BAHCC1: variants seen among roughly 807,000 people sequenced by gnomAD.
BAHCC1 encodes BAH and coiled-coil domain-containing protein 1.
In BAHCC1, 43 loss-of-function variants were observed where a neutral mutation model predicts 88.2. The observed-to-expected ratio is 0.49, with a 90% CI of 0.38 to 0.63. BAHCC1 has a LOEUF of 0.63. Among genes scored for constraint, BAHCC1 ranks in the 20% least tolerant of loss-of-function variants. The probability of loss-of-function intolerance (pLI) is 0.00; values close to 1 mark genes in which losing one functional copy is unlikely to be tolerated. For missense variants in BAHCC1, 3,023 were observed against 1,654.8 expected, an observed-to-expected ratio of 1.83 and a Z score of -14.34; for synonymous variants, 1,510 against 745.5, an observed-to-expected ratio of 2.03 and a Z score of -16.71.
At chr17:81,440,961 G>C (rs2064404387) in intron 4 of BAHCC1, among the ~76,000 whole-genome samples, 1 of 152,336 alleles carries the variant, frequency 6.6e-6, no homozygotes, top group Middle Eastern at 3.4e-3. Context: ...CTCCTCTGGG[G>C]GCGCCAGGAG....
chr17:81,414,846 C>G (rs1371450101), intron 2 of BAHCC1, among the ~76,000 whole-genome samples: 1 of 152,166 alleles, frequency 6.6e-6, no homozygotes, highest in African/African-American at 2.4e-5. Flanking sequence ...CTCCCCTGAT[C>G]GCTGCCACGC....
At chr17:81,451,320 GC>G (rs1216994841) in intron 11 of BAHCC1, 23 of 259,102 alleles carry the variant, frequency 8.9e-5, no homozygotes, top group East Asian at 1.7e-4. Flanking sequence ...TCGAAGCAGG[GC>G]CCCCCCGGTG....
Position 81,434,464 on chromosome 17 carries a change from G to A in BAHCC1, c.359-3906G>A, listed in dbSNP as rs1247469959. On this transcript the variant is annotated intron_variant, in intron 3 of 27. Coordinates refer to ENST00000675386, the MANE Select transcript of BAHCC1 (RefSeq NM_001377448.1). The surrounding 1 kb of genome is among the most constrained non-coding windows in gnomAD (Gnocchi z 4.9). ...TGTAGAAGGTTTTGTCCTCAAAGGC[G>A]TGCGGGCTGGGGCAGGGCGCTCGAG... Among the ~76,000 whole-genome samples, 2 of 152,226 alleles carry A rather than the reference G, an allele frequency of 1.3e-5. No individual in the cohort carries two copies. Among genetic ancestry groups the A allele is most frequent in the Admixed American group, 6.5e-5 (1 of 15,286 alleles).
rs1555659376 is a variant in BAHCC1, at chr17:81,461,528, C to T, written c.6865C>T (p.His2289Tyr). ...EFPLPYDSDC[H>Y]SSFSDEDEDG... ...CCCGCTGCCCTACGACAGCGACTGCCACAGCTCCTTCTCGGACGAGGACGA... is the reference window on the plus strand; with the variant it reads ...CCCGCTGCCCTACGACAGCGACTGCTACAGCTCCTTCTCGGACGAGGACGA... The change falls in exon 26 of 28, where the codon CAC (histidine) becomes TAC (tyrosine). Residue 2289 changes from histidine to tyrosine, a missense_variant. Physicochemically the swap from His to Tyr is moderately conservative, Grantham distance 83 (BLOSUM62 2). Transcript: ENST00000675386. 2.7e-6 allele frequency: 2 copies of T among 737,324 alleles called. No individual in the cohort carries two copies. The highest frequency in any genetic ancestry group is 3.8e-5 in the Admixed American group (2 of 52,832). 45.7% of individuals were successfully genotyped at this position (737,324 alleles called of 1,614,324 possible).
At chr17:81,440,154 C>A (rs1250890879) in intron 4 of BAHCC1, among the ~76,000 whole-genome samples, 1 of 152,216 alleles carries the variant, frequency 6.6e-6, no homozygotes, top group East Asian at 1.9e-4. Context: ...GCTCTGCTGC[C>A]CAGAGGACAG....
At chr17:81,397,520 G>GA (rs2063758603) in intron 1 of BAHCC1, among the ~76,000 whole-genome samples, 1 of 152,038 alleles carries the variant, frequency 6.6e-6, no homozygotes, top group Non-Finnish European at 1.5e-5. Context: ...CGGCGCCTTT[G>GA]AAGCTGCAGG....
rs528240946 is a variant in BAHCC1, at chr17:81,436,419, G to A, written c.359-1951G>A. 4.0e-4 allele frequency among the ~76,000 whole-genome samples: 61 copies of A among 152,370 alleles called. No individual in the cohort carries two copies. The South Asian group carries it at 0.011, about 28-fold the overall frequency. On this transcript the variant is annotated intron_variant, in intron 3 of 27. Coordinates refer to ENST00000675386, the MANE Select transcript of BAHCC1 (RefSeq NM_001377448.1). Reference sequence around the variant, plus strand: ...CTGGAGGCCTGGACCTCTGGAGGGGGGACCGGGGCTCCGTGCCTGGGAAAC... The same window carrying A: ...CTGGAGGCCTGGACCTCTGGAGGGGAGACCGGGGCTCCGTGCCTGGGAAAC...
chr17:81,458,885 A>G lies in BAHCC1; in HGVS notation c.5521A>G (p.Ser1841Gly), dbSNP rs782023832. 5 of 774,806 alleles carry G rather than the reference A, an allele frequency of 6.5e-6. No homozygotes were observed. Among genetic ancestry groups the G allele is most frequent in the Admixed American group, 3.4e-5 (2 of 58,842 alleles). 48.0% of individuals were successfully genotyped at this position (774,806 alleles called of 1,614,324 possible). A position where few individuals can be genotyped will look rare whatever the true frequency, so the allele number is the denominator to read the frequency against. ...GGAAGACTTTGAGTTCGACGACAAC[A>G]GCAGCTTCTCGGAAGAGGAGGAGGA... ...VEEDFEFDDN[S>G]SFSEEEEDEE... Residue 1841 changes from serine to glycine, a missense_variant, in exon 20 of 28, where the codon AGC becomes GGC. By Grantham distance (56) the Ser-to-Gly change is moderately conservative. Coordinates refer to ENST00000675386, the MANE Select transcript of BAHCC1 (RefSeq NM_001377448.1).
At chr17:81,455,754 C>T (rs1399742023) in intron 15 of BAHCC1, among the ~76,000 whole-genome samples, 2 of 152,130 alleles carry the variant, frequency 1.3e-5, no homozygotes, top group Non-Finnish European at 2.9e-5. Context: ...CCTCCGGCTG[C>T]CGGCACCCCC....
chr17:81,421,663 C>T (rs1442005142), intron 2 of BAHCC1, among the ~76,000 whole-genome samples: 1 of 152,234 alleles, frequency 6.6e-6, no homozygotes, highest in Non-Finnish European at 1.5e-5. Context: ...CAGCCGTGTG[C>T]AGGGCCCCTG....
At chr17:81,398,142 C>T (rs933369151) in intron 1 of BAHCC1, among the ~76,000 whole-genome samples, 1 of 152,138 alleles carries the variant, frequency 6.6e-6, no homozygotes. Flanking sequence ...TATCCATCTC[C>T]CTTTTGTTGG....
Position 81,403,417 on chromosome 17 carries a change from C to T in BAHCC1, c.178+3500C>T, listed in dbSNP as rs1319757049. Among the ~76,000 whole-genome samples the T allele has an allele frequency of 2.6e-5, 4 of 151,870 alleles. No homozygotes were observed. The East Asian group carries it at 5.8e-4, about 22-fold the overall frequency. The stretch of plus-strand genomic sequence containing the variant: ...TATTGTGGGAGAAAGGCGAAGGCTC[C>T]TTCTGGTGGGAGAACTGCAAACTAC... On this transcript the variant is annotated intron_variant, in intron 2 of 27. Transcript: ENST00000675386.
chr17:81,461,522 G>A lies in BAHCC1; in HGVS notation c.6859G>A (p.Asp2287Asn), dbSNP rs782736031. Residue 2287 changes from aspartate (D) to asparagine (N), a missense_variant, in exon 26 of 28, where the codon GAC (aspartate) becomes AAC (asparagine). By Grantham distance (23) the Asp-to-Asn change is conservative. Transcript: ENST00000675386. Reference protein sequence around the residue: ...QAEFPLPYDSDCHSSFSDEDE... With the variant: ...QAEFPLPYDSNCHSSFSDEDE... ...AGAGTTCCCGCTGCCCTACGACAGC[G>A]ACTGCCACAGCTCCTTCTCGGACGA... 4 of 737,948 alleles carry A rather than the reference G, an allele frequency of 5.4e-6. No homozygotes were observed. The highest frequency in any genetic ancestry group is 2.6e-5 in the East Asian group (1 of 39,012). The allele number at this position is 737,948 out of a possible 1,614,324, so 45.7% of individuals were successfully genotyped here.
chr17:81,452,871 A>G lies in BAHCC1; in HGVS notation c.4445+20A>G. ...AGTCAAGTGAGTCCTGGGCACTGGC[A>G]TGGCAGGGCGCGTGTGGCCGGCCCT... On this transcript the variant is annotated intron_variant, in intron 14 of 27. Transcript: ENST00000675386. 5.5e-6 allele frequency: 4 copies of G among 725,418 alleles called. No individual in the cohort carries two copies. Among genetic ancestry groups the G allele is most frequent in the Non-Finnish European group, 7.6e-6 (3 of 396,016 alleles). 44.9% of individuals were successfully genotyped at this position (725,418 alleles called of 1,614,324 possible).
intron 11 of BAHCC1, among the ~76,000 whole-genome samples, chr17:81,449,777 G>C (rs575163286): frequency 3.0e-4 from 46 of 151,870 alleles, no homozygotes; most frequent in Middle Eastern, 3.4e-3. Context: ...TCTCGGTCCA[G>C]AGCTTTGCAC....
chr17:81,451,691 T>C lies in BAHCC1; in HGVS notation c.4000T>C (p.Phe1334Leu), dbSNP rs1555655780. 2 of 777,010 alleles carry C rather than the reference T, an allele frequency of 2.6e-6. No individual in the cohort carries two copies. Among genetic ancestry groups the C allele is most frequent in the Non-Finnish European group, 4.8e-6 (2 of 417,724 alleles). The allele number at this position is 777,010 out of a possible 1,614,324, so 48.1% of individuals were successfully genotyped here. The change falls in exon 12 of 28, where the codon TTC (phenylalanine) becomes CTC (leucine). Residue 1334 changes from phenylalanine to leucine, a missense_variant. Transcript: ENST00000675386. ...VPEEEEDVLA[F>L]NLQHLATLAT... ...AGAGGAGGAAGAGGACGTGCTAGCC[T>C]TCAACCTGCAGCACCTGGCCACGCT... is the stretch of plus-strand genomic sequence containing the variant.
intron 1 of BAHCC1, among the ~76,000 whole-genome samples, chr17:81,397,439 C>CA (rs1555645093): frequency 6.6e-6 from 1 of 151,696 alleles, no homozygotes; most frequent in African/African-American, 2.4e-5. Context: ...GCACAGCACA[C>CA]ACGACTCCCT....
chr17:81,410,861 G>C (rs1389679322), intron 2 of BAHCC1, among the ~76,000 whole-genome samples: 1 of 152,116 alleles, frequency 6.6e-6, no homozygotes, highest in African/African-American at 2.4e-5. Context: ...TCTGCCTGGG[G>C]TTGGGGGACA....
chr17:81,445,411 A>C lies in BAHCC1; in HGVS notation c.2893A>C (p.Lys965Gln). ...GGAGCCCGCCCAGGAGAAGGCCCCA[A>C]AGTCCACCCACAAGCCAGTTGCCTT... ...LEEPAQEKAP[K>Q]STHKPVALTP... Residue 965 changes from lysine (K) to glutamine (Q), a missense_variant, in exon 10 of 28, where the codon AAG becomes CAG. Coordinates refer to ENST00000675386, the MANE Select transcript of BAHCC1 (RefSeq NM_001377448.1). 1 of 776,436 alleles carries C rather than the reference A, an allele frequency of 1.3e-6. No homozygotes were observed. The highest frequency in any genetic ancestry group is 2.4e-6 in the Non-Finnish European group (1 of 417,002). The allele number at this position is 776,436 out of a possible 1,614,324, so 48.1% of individuals were successfully genotyped here.
Sources: gnomAD v4.1 joint callset for allele counts (sites outside exome capture counted in the v4.1 genomes callset) on GRCh38, gnomAD v4.1.1 for gene constraint, Gnocchi (gnomAD v3.1) non-coding constraint, MANE v1.5 for transcripts, NCBI Gene and HGNC (gene_info 2026-07-23, HGNC 2026-07-21) for gene names.